TWF2: variants seen among roughly 807,000 people sequenced by gnomAD.
TWF2 encodes twinfilin actin binding protein 2, also known as twinfilin-2.
A neutral mutation model predicts 45.1 loss-of-function variants in TWF2; 15 were observed. The ratio of observed to expected loss-of-function variants is 0.33; its 90% CI spans 0.22 to 0.51. The LOEUF (loss-of-function observed/expected upper bound fraction) is 0.51. TWF2 is among the 20% of genes least tolerant of loss of function. The pLI, the probability that TWF2 is intolerant of heterozygous loss-of-function variation, is 0.97. For missense variants in TWF2, 423 were observed against 469.1 expected (o/e 0.90, Z 0.91); for synonymous variants, 177 against 195.8 (o/e 0.90, Z 0.80).
At chr3:52,231,393 C>G (rs1303318973) in intron 4 of TWF2, 51 bp downstream of exon 4, 1 of 1,596,750 alleles carries the variant, frequency 6.3e-7, no homozygotes. Flanking sequence ...CACAGTGACC[C>G]CTCTCTGTGG....
rs1212607167 is a variant in TWF2 at position 52,230,023 on chromosome 3, G to A, written c.657C>T (p.Pro219=). Residue 219 remains proline, a synonymous_variant, in exon 7 of 9, where the codon CCC becomes CCT. Transcript: ENST00000305533. ...GGGAGGGCAGCTGGGCCACATCCGTGGGCTCTGTGTGCACCAGCTCAATGG... is the reference window on the plus strand; with the variant it reads ...GGGAGGGCAGCTGGGCCACATCCGTAGGCTCTGTGTGCACCAGCTCAATGG... ...RETIELVHTE[P]TDVAQLPSRV... The A allele has an allele frequency of 1.2e-6, 2 of 1,610,300 alleles. No homozygotes were observed.
intron 1 of TWF2, among the ~76,000 whole-genome samples, chr3:52,237,852 C>G (rs1699741707): frequency 6.6e-6 from 1 of 152,232 alleles, no homozygotes; most frequent in Non-Finnish European, 1.5e-5. Context: ...GGTGGTCAGG[C>G]AGGTCGATGG....
chr3:52,238,294 T>A (rs1349428616), intron 1 of TWF2, among the ~76,000 whole-genome samples: 2 of 151,870 alleles, frequency 1.3e-5, no homozygotes, highest in Non-Finnish European at 2.9e-5. Context: ...AGGTCAGAGG[T>A]CAAGGTCAGA....
chr3:52,231,044 G>A (rs1036135442), intron 5 of TWF2, 49 bp from the exon 6 acceptor site: 2 of 1,609,958 alleles, frequency 1.2e-6, no homozygotes, highest in Non-Finnish European at 8.5e-7. Flanking sequence ...CCAAAGCAGG[G>A]TGTGGCTCCC....
At position 52,231,188 on chromosome 3, in the gene TWF2, C is replaced by A; in HGVS notation, c.422G>T (p.Cys141Phe). The A allele has an allele frequency of 6.8e-6, 11 of 1,614,058 alleles. No individual in the cohort carries two copies. The highest frequency in any genetic ancestry group is 1.1e-5 in the South Asian group (1 of 91,082). Residue 141 changes from cysteine (C) to phenylalanine (F), a missense_variant, in exon 5 of 9, where the codon TGT becomes TTT. Coordinates refer to ENST00000305533, the MANE Select transcript of TWF2 (RefSeq NM_007284.4). ...CGAGGTCAGCGGGGCAGGTGCCGCA[C>A]AGGACGACAGGTGTTTCTGGTACCC... ...FAGYQKHLSS[C>F]AAPAPLTSAE...
At chr3:52,230,844 T>C (rs774464530) in intron 6 of TWF2, 26 bp downstream of exon 6, 1 of 1,607,384 alleles carries the variant, frequency 6.2e-7, no homozygotes, top group South Asian at 1.1e-5. Flanking sequence ...TGGCAGCATG[T>C]GCCAGGGTAG....
chr3:52,239,123 C>T lies in TWF2; in HGVS notation c.-107G>A, dbSNP rs535998363. 2.6e-4 allele frequency: 340 copies of T among 1,327,168 alleles called. 5 individuals are homozygous for T. The South Asian group carries it at 4.4e-3, about 17-fold the overall frequency. The allele number at this position is 1,327,168 out of a possible 1,614,324, so 82.2% of individuals were successfully genotyped here. A position where few individuals can be genotyped will look rare whatever the true frequency, so the allele number is the denominator to read the frequency against. On this transcript the variant is annotated 5_prime_UTR_variant, in exon 1 of 9. Transcript: ENST00000305533. ...TGGAGGATGTGGCGGAGGCTGTCGA[C>T]CCTCGCGCAGCTTCCCGGGCGGTGC...
rs750584587 is a variant in TWF2 at position 52,229,787 on chromosome 3, T to TG, written c.761-6dup. On this transcript the variant is annotated splice_polypyrimidine_tract_variant and splice_region_variant and intron_variant, in intron 7 of 8. Coordinates refer to ENST00000305533, the MANE Select transcript of TWF2 (RefSeq NM_007284.4). ...CCGGCATGGAGTAGATGAACACTGTTGGGGGGCAGGAGGTGAGCCTGGGAG... is the reference window on the plus strand; with the variant it reads ...CCGGCATGGAGTAGATGAACACTGTTGGGGGGGCAGGAGGTGAGCCTGGGAG... 4 of 1,609,738 alleles carry TG rather than the reference T, an allele frequency of 2.5e-6. No individual in the cohort carries two copies. The highest frequency in any genetic ancestry group is 1.7e-6 in the Non-Finnish European group (2 of 1,177,614).
At chr3:52,232,263 A>G in intron 2 of TWF2, 141 bp from the exon 3 acceptor site, 1 of 1,113,138 alleles carries the variant, frequency 9.0e-7, no homozygotes, top group Non-Finnish European at 1.2e-6. Context: ...CAGGTCCCAG[A>G]AGTGTGAGGC....
At position 52,231,456 on chromosome 3, in the gene TWF2, G is replaced by C; in HGVS notation, c.366C>G (p.Phe122Leu). ...FGGGHIKDEL[F>L]GTVKDDLSFA... ...GGCTTAGGATTACCTTCACAGTCCC[G>C]AAGAGCTCATCCTTGATGTGGCCAC... Residue 122 changes from phenylalanine (F) to leucine (L), a missense_variant, in exon 4 of 9, where the codon TTC becomes TTG. Phe to Leu is a conservative substitution (Grantham distance 22). Coordinates refer to ENST00000305533, the MANE Select transcript of TWF2 (RefSeq NM_007284.4). 1 of 1,613,970 alleles carries C rather than the reference G, an allele frequency of 6.2e-7. No homozygotes were observed. The highest frequency in any genetic ancestry group is 8.5e-7 in the Non-Finnish European group (1 of 1,179,934).
In TWF2 at chr3:52,229,077, T is replaced by C. The variant is rs766590581; in HGVS notation, c.1007A>G (p.Lys336Arg). 1.5e-4 allele frequency: 243 copies of C among 1,612,852 alleles called. No homozygotes were observed. The highest frequency in any genetic ancestry group is 2.0e-4 in the Non-Finnish European group (232 of 1,180,028). The change falls in exon 9 of 9, where the codon AAG becomes AGG. Residue 336 changes from lysine (K) to arginine (R), a missense_variant. Lys to Arg is a conservative substitution (Grantham distance 26, BLOSUM62 2). Transcript: ENST00000305533. The stretch of plus-strand genomic sequence containing the variant: ...TTCACCCGGGCCGCGGATGAGGCGC[T>C]TATGGCCCCGCTTGCCCCCTGGGCC... ...PKGPGGKRGH[K>R]RLIRGPGENG...
At chr3:52,235,434 A>C (rs539934056) in intron 1 of TWF2, among the ~76,000 whole-genome samples, 1 of 152,338 alleles carries the variant, frequency 6.6e-6, no homozygotes, top group South Asian at 2.1e-4. Flanking sequence ...CCTGCCCCGC[A>C]GGATGGCCGA....
intron 2 of TWF2, among the ~76,000 whole-genome samples, chr3:52,232,897 C>T (rs1699692459): frequency 6.6e-6 from 1 of 152,172 alleles, no homozygotes; most frequent in African/African-American, 2.4e-5. Context: ...GTAATCCCAG[C>T]TGCTCGGGAG....
rs1699674276 is a variant in TWF2, at chr3:52,231,204, T to G, written c.406A>C (p.Lys136Gln). 1 of 1,614,040 alleles carries G rather than the reference T, an allele frequency of 6.2e-7. No individual in the cohort carries two copies. Among genetic ancestry groups the G allele is most frequent in the Middle Eastern group, 1.7e-4 (1 of 6,060 alleles). The change falls in exon 5 of 9, where the codon AAA (lysine) becomes CAA (glutamine). Residue 136 changes from lysine to glutamine, a missense_variant. Coordinates refer to ENST00000305533, the MANE Select transcript of TWF2 (RefSeq NM_007284.4). ...GGTGCCGCACAGGACGACAGGTGTT[T>G]CTGGTACCCAGCAAAAGAGAGGTCA... ...KDDLSFAGYQ[K>Q]HLSSCAAPAP...
chr3:52,231,926 C>A lies in TWF2; in HGVS notation c.282+18G>T. 2 of 1,605,784 alleles carry A rather than the reference C, an allele frequency of 1.2e-6. No individual in the cohort carries two copies. Among genetic ancestry groups the A allele is most frequent in the South Asian group, 1.1e-5 (1 of 89,698 alleles). ...AGCCCCAGCTCCCCTCCTCACTTCC[C>A]ACTGGCCCAGGACTCACGGGGGAGT... On this transcript the variant is annotated intron_variant, in intron 3 of 8. Coordinates refer to ENST00000305533, the MANE Select transcript of TWF2 (RefSeq NM_007284.4).
In TWF2 at chr3:52,229,741, C is replaced by T. The variant is rs767283869; in HGVS notation, c.802G>A (p.Glu268Lys). Residue 268 changes from glutamate to lysine, a missense_variant, in exon 8 of 9, where the codon GAG (glutamate) becomes AAG (lysine). Coordinates refer to ENST00000305533, the MANE Select transcript of TWF2 (RefSeq NM_007284.4). ...TTGCAGCTGGAGTAGAGCATTCGCTCCTTGATGCTGCACTTGTACCCCGGC... is the reference window on the plus strand; with the variant it reads ...TTGCAGCTGGAGTAGAGCATTCGCTTCTTGATGCTGCACTTGTACCCCGGC... Reference protein sequence around the residue: ...SMPGYKCSIKERMLYSSCKSR... With the variant: ...SMPGYKCSIKKRMLYSSCKSR... 1 of 1,613,228 alleles carries T rather than the reference C, an allele frequency of 6.2e-7. No homozygotes were observed. Among genetic ancestry groups the T allele is most frequent in the East Asian group, 2.2e-5 (1 of 44,882 alleles).
Position 52,231,558 on chromosome 3 carries a change from A to G in TWF2, c.283-19T>C. 1 of 1,607,586 alleles carries G rather than the reference A, an allele frequency of 6.2e-7. No homozygotes were observed. The highest frequency in any genetic ancestry group is 8.5e-7 in the Non-Finnish European group (1 of 1,177,580). On this transcript the variant is annotated intron_variant, in intron 3 of 8. Coordinates refer to ENST00000305533, the MANE Select transcript of TWF2 (RefSeq NM_007284.4). ...GCCGCACCTGAAGGGCAAGGGCCAAACCGTAAGAGGCCTCTGGGCAGGGCT... is the reference window on the plus strand; with the variant it reads ...GCCGCACCTGAAGGGCAAGGGCCAAGCCGTAAGAGGCCTCTGGGCAGGGCT...
At chr3:52,238,934 G>A in intron 1 of TWF2, 58 bp downstream of exon 1, 1 of 1,565,040 alleles carries the variant, frequency 6.4e-7, no homozygotes, top group Non-Finnish European at 8.6e-7. Context: ...AGAGCCGGGG[G>A]GGGGCGCTTC....
chr3:52,229,044 T>C lies in TWF2; in HGVS notation c.1040A>G (p.Asp347Gly), dbSNP rs1699651813. 1.2e-6 allele frequency: 2 copies of C among 1,611,658 alleles called. No homozygotes were observed. The highest frequency in any genetic ancestry group is 1.7e-6 in the Non-Finnish European group (2 of 1,179,892). Reference protein sequence around the residue: ...RLIRGPGENGDDS With the variant: ...RLIRGPGENGGDS The stretch of plus-strand genomic sequence containing the variant: ...CCCTGCTCCAGCCTCCTAGCTGTCA[T>C]CCCCATTTTCACCCGGGCCGCGGAT... Residue 347 changes from aspartate to glycine, a missense_variant, in exon 9 of 9, where the codon GAT becomes GGT. Transcript: ENST00000305533.
Sources: allele counts gnomAD v4.1 joint callset (sites outside exome capture counted in the v4.1 genomes callset), GRCh38; gene constraint gnomAD v4.1.1; transcripts MANE v1.5; gene names NCBI Gene and HGNC (gene_info 2026-07-23, HGNC 2026-07-21).